The following SSH1 variants were observed in gnomAD, a reference collection of about 807,000 sequenced individuals.
SSH1 encodes protein phosphatase Slingshot homolog 1.
A neutral mutation model predicts 79.7 loss-of-function variants in SSH1; 43 were observed. The ratio of observed to expected loss-of-function variants is 0.54; its 90% CI spans 0.42 to 0.70. The LOEUF (loss-of-function observed/expected upper bound fraction) is 0.70. SSH1 is among the 30% of genes least tolerant of loss of function. SSH1 has a pLI of 0.00. For missense variants in SSH1, 1,206 were observed against 1,358.8 expected (o/e 0.89, Z 1.77); for synonymous variants, 599 against 538.3 (o/e 1.11, Z -1.56).
chr12:108,809,567 T>G (rs1261772264), intron 7 of SSH1, 126 bp downstream of exon 7: 1 of 798,190 alleles, frequency 1.3e-6, no homozygotes, highest in Non-Finnish European at 2.3e-6. Context: ...TTATGTTACA[T>G]GTATTTTGCG....
chr12:108,818,348 C>T, intron 3 of SSH1, 35 bp from the exon 4 acceptor site: 1 of 1,591,458 alleles, frequency 6.3e-7, no homozygotes. Flanking sequence ...TAAAAGGTCT[C>T]TTACCTACTC....
intron 2 of SSH1, among the ~76,000 whole-genome samples, chr12:108,843,296 G>GA (rs1239420220): frequency 2.6e-5 from 4 of 152,122 alleles, no homozygotes; most frequent in African/African-American, 9.7e-5. Flanking sequence ...TTTGTTTCCT[G>GA]AAAGTCCAAG....
At chr12:108,842,742 T>C (rs530157028) in intron 2 of SSH1, among the ~76,000 whole-genome samples, 4 of 152,304 alleles carry the variant, frequency 2.6e-5, no homozygotes, top group African/African-American at 9.6e-5. Flanking sequence ...GAAAAGACAG[T>C]GCTTGGATTT....
intron 1 of SSH1, among the ~76,000 whole-genome samples, chr12:108,854,397 T>C (rs2039103467): frequency 6.6e-6 from 1 of 152,228 alleles, no homozygotes. Context: ...TCCTGAAAAT[T>C]ATTGATTTAT....
intron 3 of SSH1, among the ~76,000 whole-genome samples, chr12:108,820,819 G>A: frequency 6.6e-6 from 1 of 152,194 alleles, no homozygotes; most frequent in East Asian, 1.9e-4. Context: ...AGTCTAGTCT[G>A]CGTCTGTCCC....
At chr12:108,801,735 T>TAAA (rs1565980475) in intron 11 of SSH1, among the ~76,000 whole-genome samples, 6 of 137,306 alleles carry the variant, frequency 4.4e-5, no homozygotes, top group African/African-American at 1.3e-4. Flanking sequence ...CTGTGTTGTT[T>TAAA]TAAAAAAAAA....
In SSH1 at chr12:108,792,688, A is replaced by G. The variant is rs2036564021; in HGVS notation, c.1491T>C (p.Asp497=). The stretch of plus-strand genomic sequence containing the variant: ...GGGGCCCTAAGCCGGGCTGGGCGGC[A>G]TCATCCAAGAAGGGCAGCTGGCTTT... ...TPESQLPFLD[D]AAQPGLGPPL... The change falls in exon 14 of 15, where the codon GAT becomes GAC. Residue 497 remains aspartate (D), a synonymous_variant. Transcript: ENST00000326495. The G allele has an allele frequency of 4.3e-6, 7 of 1,612,900 alleles. No individual in the cohort carries two copies. The highest frequency in any genetic ancestry group is 5.9e-6 in the Non-Finnish European group (7 of 1,180,020).
chr12:108,787,926 A>G lies in SSH1; in HGVS notation c.*62T>C, dbSNP rs2036330208. 1 of 1,598,364 alleles carries G rather than the reference A, an allele frequency of 6.3e-7. No homozygotes were observed. Among genetic ancestry groups the G allele is most frequent in the African/African-American group, 1.3e-5 (1 of 74,562 alleles). ...ATGTAAGGGGTCGATCCAAATCCAC[A>G]GTGAAAGTGAGGGAGGGATCATATG... On this transcript the variant is annotated 3_prime_UTR_variant, in exon 15 of 15. Coordinates refer to ENST00000326495, the MANE Select transcript of SSH1 (RefSeq NM_018984.4).
chr12:108,855,419 ATGG>A (rs2039124701), intron 1 of SSH1, among the ~76,000 whole-genome samples: 3 of 152,200 alleles, frequency 2.0e-5, no homozygotes. Flanking sequence ...CTGGAATTAG[ATGG>A]TGGTGGTTGC....
chr12:108,834,888 G>A (rs2038561192), intron 2 of SSH1, among the ~76,000 whole-genome samples: 1 of 152,208 alleles, frequency 6.6e-6, no homozygotes, highest in African/African-American at 2.4e-5. Context: ...GCTCTTCTCT[G>A]AAGTCAGTAT....
At chr12:108,836,791 G>C (rs909412149) in intron 2 of SSH1, 11 of 400,484 alleles carry the variant, frequency 2.7e-5, no homozygotes, top group African/African-American at 2.2e-4. Flanking sequence ...AGGAAATCAA[G>C]TGCCACCTTA....
rs1162145076 is a variant in SSH1 at position 108,805,507 on chromosome 12, C to T, written c.826-323G>A. On this transcript the variant is annotated intron_variant, in intron 9 of 14. Transcript: ENST00000326495. ...TCAAATACATCAAATAATCTAAAAT[C>T]AGTTCTATCTTTCTTGGAAAGATAT... Among the ~76,000 whole-genome samples the T allele has an allele frequency of 2.0e-5, 3 of 151,450 alleles. No homozygotes were observed. In the East Asian group the frequency reaches 5.8e-4, roughly 29 times the overall value.
In SSH1 at chr12:108,823,384, A is replaced by G. The variant is rs375432708; in HGVS notation, c.111-23T>C. 20 of 1,545,352 alleles carry G rather than the reference A, an allele frequency of 1.3e-5. No homozygotes were observed. In the African/African-American group the frequency reaches 2.4e-4, roughly 19 times the overall value. On this transcript the variant is annotated intron_variant, in intron 2 of 14. Coordinates refer to ENST00000326495, the MANE Select transcript of SSH1 (RefSeq NM_018984.4). Reference sequence around the variant, plus strand: ...AAGCTGGGAAGGATAAGACCAGAGCACAGTTAGACCGGAATTCAGACAGGA... The same window carrying G: ...AAGCTGGGAAGGATAAGACCAGAGCGCAGTTAGACCGGAATTCAGACAGGA...
chr12:108,832,304 C>T (rs1482439229), intron 2 of SSH1, among the ~76,000 whole-genome samples: 1 of 151,472 alleles, frequency 6.6e-6, no homozygotes, highest in African/African-American at 2.4e-5. Context: ...CCCACCCACC[C>T]CCGCCTCCCA....
intron 1 of SSH1, 196 bp from the exon 2 acceptor site, chr12:108,852,874 G>C: frequency 1.0e-6 from 1 of 985,394 alleles, no homozygotes; most frequent in Non-Finnish European, 1.2e-6. Flanking sequence ...GGAATTTTCA[G>C]GTTTCCAAAT....
At chr12:108,832,160 G>T (rs1238246067) in intron 2 of SSH1, among the ~76,000 whole-genome samples, 1 of 152,016 alleles carries the variant, frequency 6.6e-6, no homozygotes, top group Non-Finnish European at 1.5e-5. Flanking sequence ...AGCTGGGTGT[G>T]GTGGCGTGCA....
intron 7 of SSH1, 75 bp downstream of exon 7, chr12:108,809,618 A>G: frequency 1.6e-6 from 2 of 1,260,824 alleles, no homozygotes; most frequent in East Asian, 2.3e-5. Flanking sequence ...TTCTTGGTAG[A>G]AGGGGTTTTT....
chr12:108,856,023 C>A (rs911838737), intron 1 of SSH1, among the ~76,000 whole-genome samples: 8 of 152,172 alleles, frequency 5.3e-5, no homozygotes, highest in African/African-American at 1.9e-4. Context: ...ACAAACCTCC[C>A]CCGTGTTATC....
intron 2 of SSH1, among the ~76,000 whole-genome samples, chr12:108,845,564 G>A (rs1393422745): frequency 6.6e-6 from 1 of 152,132 alleles, no homozygotes; most frequent in African/African-American, 2.4e-5. Context: ...GTATGCGCCT[G>A]TAATCCCAGA....
Sources: allele counts gnomAD v4.1 joint callset (sites outside exome capture counted in the v4.1 genomes callset), GRCh38; gene constraint gnomAD v4.1.1; transcripts MANE v1.5; gene names NCBI Gene and HGNC (gene_info 2026-07-23, HGNC 2026-07-21).